The following DENND1A variants were observed in gnomAD, a reference collection of about 807,000 sequenced individuals.
The protein encoded by DENND1A is DENN domain-containing protein 1A.
A neutral mutation model predicts 113.7 loss-of-function variants in DENND1A; 51 were observed. That is an observed-to-expected ratio of 0.45 (90% confidence interval 0.36 to 0.57). The LOEUF (loss-of-function observed/expected upper bound fraction) is 0.57. DENND1A is among the 20% of genes least tolerant of loss of function. DENND1A has a pLI of 0.00. For synonymous variants in DENND1A, 565 were observed against 570.8 expected (o/e 0.99, Z 0.14); for missense variants, 1,258 against 1,395.9 (o/e 0.90, Z 1.57).
chr9:123,396,329 C>T (rs910419696), intron 21 of DENND1A, among the ~76,000 whole-genome samples: 21 of 152,250 alleles, frequency 1.4e-4, no homozygotes, highest in Non-Finnish European at 7.3e-5. Context: ...GATGCCAGAG[C>T]TCTGCCCATG....
At chr9:123,738,862 T>C (rs1051822027) in intron 5 of DENND1A, among the ~76,000 whole-genome samples, 1 of 152,140 alleles carries the variant, frequency 6.6e-6, no homozygotes, top group Admixed American at 6.6e-5. Flanking sequence ...GAGCTTGAAA[T>C]TGAGCAAAGT....
intron 8 of DENND1A, among the ~76,000 whole-genome samples, chr9:123,653,289 T>C (rs529329532): frequency 6.6e-6 from 1 of 152,340 alleles, no homozygotes; most frequent in African/African-American, 2.4e-5. Flanking sequence ...ATATACTAAC[T>C]ACCTATCAAG....
chr9:123,489,114 C>T (rs2051143511), intron 13 of DENND1A, among the ~76,000 whole-genome samples: 2 of 152,172 alleles, frequency 1.3e-5, no homozygotes. Context: ...CAGACACGCA[C>T]ACATACAGCT....
At chr9:123,861,590 G>C (rs781562312) in intron 2 of DENND1A, among the ~76,000 whole-genome samples, 9 of 152,106 alleles carry the variant, frequency 5.9e-5, no homozygotes, top group Non-Finnish European at 1.3e-4. Flanking sequence ...ACCAGACAAT[G>C]ACCATATTGT....
chr9:123,766,088 C>T (rs1213525379), intron 4 of DENND1A, among the ~76,000 whole-genome samples: 3 of 152,198 alleles, frequency 2.0e-5, no homozygotes, highest in Non-Finnish European at 4.4e-5. Context: ...TCACCCTCTC[C>T]CCAGCGAGCT....
At chr9:123,625,495 G>C (rs1050408343) in intron 10 of DENND1A, among the ~76,000 whole-genome samples, 2 of 152,226 alleles carry the variant, frequency 1.3e-5, no homozygotes, top group East Asian at 1.9e-4. Flanking sequence ...TGTAATCCCA[G>C]TACTTTGGGA....
chr9:123,455,509 C>T (rs2048049375), intron 15 of DENND1A, among the ~76,000 whole-genome samples: 1 of 152,222 alleles, frequency 6.6e-6, no homozygotes. Context: ...GCTTAGTAAA[C>T]TTGACAGCTC....
intron 5 of DENND1A, among the ~76,000 whole-genome samples, chr9:123,678,321 T>A (rs1173920500): frequency 6.6e-6 from 1 of 152,174 alleles, no homozygotes; most frequent in Non-Finnish European, 1.5e-5. Flanking sequence ...GGTGCACGCA[T>A]CCTATGGAAT....
chr9:123,642,201 T>C (rs150759015), intron 9 of DENND1A, among the ~76,000 whole-genome samples: 66 of 152,344 alleles, frequency 4.3e-4, no homozygotes, highest in African/African-American at 1.4e-3. Flanking sequence ...CATAATTAAA[T>C]GAAGAATATA....
chr9:123,458,962 AAAACAAAC>A (rs369078427), intron 13 of DENND1A, among the ~76,000 whole-genome samples: 29 of 152,208 alleles, frequency 1.9e-4, no homozygotes, highest in African/African-American at 3.4e-4. Context: ...ACTCCGTCTC[AAAACAAAC>A]AAACAAACAA....
At chr9:123,596,658 G>T (rs1274129947) in intron 11 of DENND1A, among the ~76,000 whole-genome samples, 1 of 152,204 alleles carries the variant, frequency 6.6e-6, no homozygotes. Context: ...AAATACTGAG[G>T]ACAGTGGCCA....
Position 123,381,415 on chromosome 9 carries a change from C to G in DENND1A, c.*17G>C, listed in dbSNP as rs1428797559. On this transcript the variant is annotated 3_prime_UTR_variant, in exon 24 of 24. Transcript: ENST00000394215. The surrounding 1 kb of genome is among the most constrained non-coding windows in gnomAD (Gnocchi z 4.7). ...GACCCTCGGGCCTCGGTGCATCCCC[C>G]ACCCTCAGGGCCCGGCTCACTCGAA... 5.0e-6 allele frequency: 8 copies of G among 1,611,172 alleles called. No individual in the cohort carries two copies. Among genetic ancestry groups the G allele is most frequent in the African/African-American group, 2.7e-5 (2 of 74,896 alleles).
At chr9:123,617,603 C>G (rs2060720600) in intron 10 of DENND1A, among the ~76,000 whole-genome samples, 2 of 152,204 alleles carry the variant, frequency 1.3e-5, no homozygotes, top group Admixed American at 6.5e-5. Context: ...ACATCAAAGC[C>G]TGGGGTAGCC....
intron 3 of DENND1A, among the ~76,000 whole-genome samples, chr9:123,788,554 T>A (rs963717635): frequency 1.3e-5 from 2 of 152,146 alleles, no homozygotes; most frequent in Non-Finnish European, 2.9e-5. Context: ...CATAATAGAA[T>A]AATTATAAAC....
chr9:123,796,137 A>T (rs1261279827), intron 2 of DENND1A, among the ~76,000 whole-genome samples: 1 of 152,228 alleles, frequency 6.6e-6, no homozygotes. Flanking sequence ...GTACGCCCTA[A>T]TAGAGTCCAT....
intron 21 of DENND1A, 117 bp downstream of exon 21, chr9:123,403,285 C>T (rs1564424646): frequency 4.9e-6 from 5 of 1,011,024 alleles, no homozygotes; most frequent in Middle Eastern, 2.1e-4. Context: ...GTGAAACACC[C>T]GCTGGGAGCC....
chr9:123,677,210 C>T (rs537767588), intron 5 of DENND1A, among the ~76,000 whole-genome samples: 6 of 152,290 alleles, frequency 3.9e-5, no homozygotes, highest in African/African-American at 1.4e-4. Context: ...CCACTGCAGG[C>T]ATCTGCAAAG....
intron 19 of DENND1A, chr9:123,413,848 C>T (rs914181328): frequency 4.1e-6 from 4 of 984,946 alleles, no homozygotes; most frequent in Non-Finnish European, 3.6e-6. Flanking sequence ...CCTCAATTCA[C>T]ACCATTCATC....
intron 13 of DENND1A, among the ~76,000 whole-genome samples, chr9:123,484,550 T>C (rs2050625314): frequency 6.6e-6 from 1 of 152,184 alleles, no homozygotes; most frequent in African/African-American, 2.4e-5. Context: ...GTCCAGGGTC[T>C]TTCCCCTGCA....
Sources: gnomAD v4.1 joint callset for allele counts (sites outside exome capture counted in the v4.1 genomes callset) on GRCh38, gnomAD v4.1.1 for gene constraint, Gnocchi (gnomAD v3.1) non-coding constraint, MANE v1.5 for transcripts, NCBI Gene and HGNC (gene_info 2026-07-23, HGNC 2026-07-21) for gene names.